SLC35B4: variants seen among roughly 807,000 people sequenced by gnomAD.
SLC35B4 encodes the protein nucleotide sugar transporter SLC35B4.
A neutral mutation model predicts 39.5 loss-of-function variants in SLC35B4; 28 were observed. The observed-to-expected ratio is 0.71, with a 90% confidence interval of 0.53 to 0.97. SLC35B4 has a LOEUF of 0.97. Among genes scored for constraint, SLC35B4 ranks in the 50% least tolerant of loss-of-function variants. SLC35B4 has a pLI of 0.00. For missense variants in SLC35B4, 334 were observed against 414.3 expected, an observed-to-expected ratio of 0.81 and a Z score of 1.68; for synonymous variants, 145 against 150.4, an observed-to-expected ratio of 0.96 and a Z score of 0.26.
At position 134,291,413 on chromosome 7, in the gene SLC35B4, A is replaced by T. The variant is rs575129847; in HGVS notation, c.*3420T>A. 3.9e-5 allele frequency: 6 copies of T among 152,350 alleles called. No homozygotes were observed. The highest frequency in any genetic ancestry group is 3.9e-4 in the Admixed American group (6 of 15,308). 9.4% of individuals were successfully genotyped at this position (152,350 alleles called of 1,614,324 possible). A position where few individuals can be genotyped will look rare whatever the true frequency, so the allele number is the denominator to read the frequency against. On this transcript the variant is annotated 3_prime_UTR_variant, in exon 10 of 10. Transcript: ENST00000378509. Reference sequence around the variant, plus strand: ...GAGGCATAAACAGATACAAGATGATAAGTCTTTCTTAGCAGAAAACGCTGC... The same window carrying T: ...GAGGCATAAACAGATACAAGATGATTAGTCTTTCTTAGCAGAAAACGCTGC...
In SLC35B4 at chr7:134,294,334, T is replaced by C. The variant is rs2117273216; in HGVS notation, c.*499A>G. 6.4e-6 allele frequency: 1 copy of C among 155,080 alleles called. No individual in the cohort carries two copies. Among genetic ancestry groups the C allele is most frequent in the East Asian group, 1.9e-4 (1 of 5,266 alleles). 9.6% of individuals were successfully genotyped at this position (155,080 alleles called of 1,614,324 possible). On this transcript the variant is annotated 3_prime_UTR_variant, in exon 10 of 10. Coordinates refer to ENST00000378509, the MANE Select transcript of SLC35B4 (RefSeq NM_032826.5). ...GCCCTGCTGTTACTGGTGTCTCGGT[T>C]TACTTGGCCACTCCTGGTGATAGTG...
chr7:134,320,273 A>G (rs1369563142), upstream of SLC35B4, among the ~76,000 whole-genome samples: 2 of 152,156 alleles, frequency 1.3e-5, no homozygotes, highest in South Asian at 2.1e-4. Context: ...GAAAGGGTTG[A>G]TCCCCGAGAT....
chr7:134,301,562 T>C (rs1176444790), intron 6 of SLC35B4, among the ~76,000 whole-genome samples, 199 bp downstream of exon 6: 1 of 152,212 alleles, frequency 6.6e-6, no homozygotes, highest in Non-Finnish European at 1.5e-5. Context: ...TTGTAGAACA[T>C]ACTGCCATGA....
Position 134,316,774 on chromosome 7 carries a change from C to T in SLC35B4, c.-23G>A. The T allele has an allele frequency of 6.5e-7, 1 of 1,543,354 alleles. No individual in the cohort carries two copies. Among genetic ancestry groups the T allele is most frequent in the Non-Finnish European group, 8.7e-7 (1 of 1,146,180 alleles). On this transcript the variant is annotated 5_prime_UTR_variant, in exon 1 of 10. Transcript: ENST00000378509. ...CATGGCCGGTGCAGGGTTGGGGAAG[C>T]AAGCGCACAGAGTAAGCGCCCGCCT...
rs1376543171 is a variant in SLC35B4 at position 134,294,837 on chromosome 7, T to C, written c.992A>G (p.Asn331Ser). The C allele has an allele frequency of 6.2e-7, 1 of 1,613,984 alleles. No individual in the cohort carries two copies. The highest frequency in any genetic ancestry group is 8.5e-7 in the Non-Finnish European group (1 of 1,179,976). ...TCTACGTACTCCAGACAGGCCTCAG[T>C]TCTTCTTGCTGTCCTTCTGAGGCTC... is the stretch of plus-strand genomic sequence containing the variant. ...KSEPQKDSKK[N>S] Residue 331 changes from asparagine (N) to serine (S), a missense_variant, in exon 10 of 10, where the codon AAC (asparagine) becomes AGC (serine). By Grantham distance (46) the Asn-to-Ser change is conservative. Transcript: ENST00000378509.
intron 1 of SLC35B4, among the ~76,000 whole-genome samples, chr7:134,314,278 T>C (rs1448334474): frequency 6.6e-6 from 1 of 152,170 alleles, no homozygotes; most frequent in East Asian, 1.9e-4. Context: ...CGCATCTCAC[T>C]TCATCCTTCA....
At chr7:134,297,268 A>G (rs1215169466) in intron 8 of SLC35B4, among the ~76,000 whole-genome samples, 1 of 152,222 alleles carries the variant, frequency 6.6e-6, no homozygotes, top group Non-Finnish European at 1.5e-5. Flanking sequence ...TTGGTAATGG[A>G]ACTGGCAGCC....
upstream of SLC35B4, chr7:134,317,106 C>T (rs1248917420): frequency 4.1e-6 from 1 of 242,042 alleles, no homozygotes; most frequent in African/African-American, 2.3e-5. Flanking sequence ...ATGACTCGCG[C>T]GATAGGCGGC....
intron 4 of SLC35B4, among the ~76,000 whole-genome samples, chr7:134,304,352 C>T (rs1388054287): frequency 6.6e-6 from 1 of 152,042 alleles, no homozygotes; most frequent in African/African-American, 2.4e-5. Context: ...GATCACACCA[C>T]TGTATTCCAA....
At chr7:134,311,086 A>C (rs2544225) in intron 1 of SLC35B4, among the ~76,000 whole-genome samples, 76,786 of 151,674 alleles carry the variant, frequency 0.51, 19,988 homozygotes, top group African/African-American at 0.61. Context: ...TGAAACAGAA[A>C]TGTTGCTACT....
intron 4 of SLC35B4, among the ~76,000 whole-genome samples, chr7:134,303,798 C>T (rs1453021381): frequency 1.3e-5 from 2 of 152,122 alleles, no homozygotes; most frequent in African/African-American, 4.8e-5. Flanking sequence ...TTGTCTCTTG[C>T]TAACATCCTT....
chr7:134,317,543 T>C (rs986270912), upstream of SLC35B4, among the ~76,000 whole-genome samples: 26 of 151,802 alleles, frequency 1.7e-4, no homozygotes, highest in African/African-American at 5.6e-4. Context: ...GGTACTCCCT[T>C]CCTTTACCTC....
At chr7:134,301,906 AT>A in intron 5 of SLC35B4, 85 bp from the exon 6 acceptor site, 1 of 1,486,876 alleles carries the variant, frequency 6.7e-7, no homozygotes, top group Non-Finnish European at 9.4e-7. Flanking sequence ...TATGTTACCC[AT>A]TTCCCTCCCC....
chr7:134,302,272 A>G (rs1012891140), intron 4 of SLC35B4, among the ~76,000 whole-genome samples, 162 bp from the exon 5 acceptor site: 1 of 152,262 alleles, frequency 6.6e-6, no homozygotes, highest in Non-Finnish European at 1.5e-5. Flanking sequence ...ATATGAATGA[A>G]TCAGGATACT....
At position 134,293,668 on chromosome 7, in the gene SLC35B4, G is replaced by T. The variant is rs1041509241; in HGVS notation, c.*1165C>A. On this transcript the variant is annotated 3_prime_UTR_variant, in exon 10 of 10. Transcript: ENST00000378509. Reference sequence around the variant, plus strand: ...CACTTGAGACCCACCCTTCTGCCCTGTGAGTGCCCGGCTGGGCCAACAGGG... The same window carrying T: ...CACTTGAGACCCACCCTTCTGCCCTTTGAGTGCCCGGCTGGGCCAACAGGG... 1 of 152,252 alleles carries T rather than the reference G, an allele frequency of 6.6e-6. No homozygotes were observed. 9.4% of individuals were successfully genotyped at this position (152,252 alleles called of 1,614,324 possible). A position where few individuals can be genotyped will look rare whatever the true frequency, so the allele number is the denominator to read the frequency against.
intron 1 of SLC35B4, among the ~76,000 whole-genome samples, chr7:134,310,169 G>A (rs1040951616): frequency 1.1e-4 from 16 of 152,128 alleles, no homozygotes; most frequent in Admixed American, 2.6e-4. Context: ...ACAAAAGACT[G>A]AAAAACACTG....
At chr7:134,299,694 G>T in intron 7 of SLC35B4, 96 bp from the exon 8 acceptor site, 1 of 1,058,818 alleles carries the variant, frequency 9.4e-7, no homozygotes, top group Non-Finnish European at 1.4e-6. Flanking sequence ...CAGGTTGTTT[G>T]ACAGCAATAC....
At chr7:134,299,681 G>A (rs1261143245) in intron 7 of SLC35B4, 83 bp from the exon 8 acceptor site, 8 of 1,188,712 alleles carry the variant, frequency 6.7e-6, no homozygotes, top group Admixed American at 5.9e-5. Context: ...ATTAAAAGTC[G>A]TACAGGTTGT....
Position 134,290,188 on chromosome 7 carries a change from T to A in SLC35B4, c.*4645A>T, listed in dbSNP as rs1161743268. 1 of 152,242 alleles carries A rather than the reference T, an allele frequency of 6.6e-6. No homozygotes were observed. The highest frequency in any genetic ancestry group is 1.5e-5 in the Non-Finnish European group (1 of 68,062). The allele number at this position is 152,242 out of a possible 1,614,324, so 9.4% of individuals were successfully genotyped here. Reference sequence around the variant, plus strand: ...TAAGGTGCTAACTACATAATACTCTTCCCTTCTACCACCAGGCAATCCAGA... The same window carrying A: ...TAAGGTGCTAACTACATAATACTCTACCCTTCTACCACCAGGCAATCCAGA... On this transcript the variant is annotated 3_prime_UTR_variant, in exon 10 of 10. Coordinates refer to ENST00000378509, the MANE Select transcript of SLC35B4 (RefSeq NM_032826.5).
Sources: allele counts gnomAD v4.1 joint callset (sites outside exome capture counted in the v4.1 genomes callset), GRCh38; gene constraint gnomAD v4.1.1; transcripts MANE v1.5; gene names NCBI Gene and HGNC (gene_info 2026-07-23, HGNC 2026-07-21).